The following NXPH1 variants were observed in gnomAD, a reference collection of about 807,000 sequenced individuals.
NXPH1 encodes neurexophilin 1.
In NXPH1, 5 loss-of-function variants were observed where a neutral mutation model predicts 23.7. That is an observed-to-expected ratio of 0.21 (90% CI 0.11 to 0.44). NXPH1 has a LOEUF of 0.44. NXPH1 is among the 20% of genes least tolerant of loss of function. NXPH1 has a pLI of 0.99. For synonymous variants in NXPH1, 144 were observed against 122.2 expected (o/e 1.18, Z -1.18); for missense variants, 324 against 321.6 (o/e 1.01, Z -0.06).
At chr7:8,462,272 C>T (rs905155127) in intron 2 of NXPH1, among the ~76,000 whole-genome samples, 1 of 152,236 alleles carries the variant, frequency 6.6e-6, no homozygotes, top group Non-Finnish European at 1.5e-5. Context: ...TGGCCTCGAT[C>T]TCTTGACCTC....
At chr7:8,746,156 A>G (rs916098469) in intron 2 of NXPH1, among the ~76,000 whole-genome samples, 1 of 152,214 alleles carries the variant, frequency 6.6e-6, no homozygotes, top group African/African-American at 2.4e-5. Flanking sequence ...CTATACAGCT[A>G]TTTTGTTAAT....
At chr7:8,698,158 T>C (rs946213908) in intron 2 of NXPH1, among the ~76,000 whole-genome samples, 3 of 152,218 alleles carry the variant, frequency 2.0e-5, no homozygotes, top group Admixed American at 6.5e-5. Flanking sequence ...CGTCTTACAA[T>C]GTATGGCTGA....
chr7:8,571,583 CA>C (rs1259322072), intron 2 of NXPH1, among the ~76,000 whole-genome samples: 1 of 151,706 alleles, frequency 6.6e-6, no homozygotes, highest in Non-Finnish European at 1.5e-5. Context: ...GGAAGAGTCC[CA>C]AAAGGACAAA....
chr7:8,607,975 G>T (rs1819531985), intron 2 of NXPH1, among the ~76,000 whole-genome samples: 1 of 152,232 alleles, frequency 6.6e-6, no homozygotes, highest in Admixed American at 6.5e-5. Flanking sequence ...GAGTGATGCA[G>T]CTGCAAGCCA....
At chr7:8,673,862 A>G (rs946984026) in intron 2 of NXPH1, among the ~76,000 whole-genome samples, 10 of 152,154 alleles carry the variant, frequency 6.6e-5, no homozygotes, top group African/African-American at 2.4e-4. Context: ...GCTAACATGG[A>G]TTGAGCATTG....
intron 2 of NXPH1, among the ~76,000 whole-genome samples, chr7:8,601,835 G>T (rs1583184725): frequency 6.6e-6 from 1 of 152,184 alleles, no homozygotes; most frequent in Admixed American, 6.5e-5. Flanking sequence ...GGACCAGACT[G>T]CAGGATATTC....
intron 2 of NXPH1, among the ~76,000 whole-genome samples, chr7:8,470,308 T>C (rs1052687513): frequency 6.6e-5 from 10 of 152,178 alleles, no homozygotes; most frequent in Non-Finnish European, 1.3e-4. Flanking sequence ...TAAGTGATGT[T>C]AATACATGTC....
chr7:8,556,591 A>G (rs974512143), intron 2 of NXPH1, among the ~76,000 whole-genome samples: 1 of 151,756 alleles, frequency 6.6e-6, no homozygotes, highest in Non-Finnish European at 1.5e-5. Flanking sequence ...AGAACTATGT[A>G]TGTCTAGAAC....
At chr7:8,634,295 G>A (rs953040057) in intron 2 of NXPH1, among the ~76,000 whole-genome samples, 3 of 152,092 alleles carry the variant, frequency 2.0e-5, no homozygotes, top group African/African-American at 7.2e-5. Flanking sequence ...CCCTGCACAT[G>A]TTCTCTTGCC....
At position 8,621,490 on chromosome 7, in the gene NXPH1, C is replaced by CTTTTTTTTTT. The variant is rs113473603; in HGVS notation, c.55-129513_55-129504dup. On this transcript the variant is annotated intron_variant, in intron 2 of 2. Coordinates refer to ENST00000405863, the MANE Select transcript of NXPH1 (RefSeq NM_152745.3). ...GAGAAACAATAACATGCTAGCCACT[C>CTTTTTTTTTT]TTTTTTTTTTTTTTGAGGTGAAGTT... is the stretch of plus-strand genomic sequence containing the variant. Among the ~76,000 whole-genome samples, 72 of 140,264 alleles carry CTTTTTTTTTT rather than the reference C, an allele frequency of 5.1e-4. 1 individual carries two copies. The highest frequency in any genetic ancestry group is 2.4e-3 in the East Asian group (10 of 4,228). The allele number at this position is 140,264 out of a possible 152,430, so 92.0% of individuals were successfully genotyped here.
chr7:8,730,841 G>T (rs1041074883), intron 2 of NXPH1, among the ~76,000 whole-genome samples: 3 of 150,864 alleles, frequency 2.0e-5, no homozygotes, highest in Non-Finnish European at 4.4e-5. Flanking sequence ...TTCTCGAGGA[G>T]TATCTTTGTG....
chr7:8,531,146 C>T (rs1448077979), intron 2 of NXPH1, among the ~76,000 whole-genome samples: 2 of 152,104 alleles, frequency 1.3e-5, no homozygotes, highest in Non-Finnish European at 2.9e-5. Flanking sequence ...ATAATATCTG[C>T]CCTGCCAGCC....
chr7:8,648,301 ACCCAAT>A, intron 2 of NXPH1, among the ~76,000 whole-genome samples: 1 of 152,136 alleles, frequency 6.6e-6, no homozygotes, highest in East Asian at 1.9e-4. Flanking sequence ...TCCCACCTAC[ACCCAAT>A]CCCCCCACTA....
At chr7:8,663,990 C>T (rs1484579620) in intron 2 of NXPH1, among the ~76,000 whole-genome samples, 2 of 151,956 alleles carry the variant, frequency 1.3e-5, no homozygotes, top group East Asian at 1.9e-4. Context: ...TGGGTATTTC[C>T]ACTCATTTTC....
intron 2 of NXPH1, among the ~76,000 whole-genome samples, chr7:8,484,767 C>T (rs1347342604): frequency 6.6e-6 from 1 of 152,042 alleles, no homozygotes; most frequent in Non-Finnish European, 1.5e-5. Context: ...ATAGTGGTAT[C>T]CTTTCTTTAA....
chr7:8,631,985 C>T (rs1820139144), intron 2 of NXPH1, among the ~76,000 whole-genome samples: 2 of 152,026 alleles, frequency 1.3e-5, no homozygotes. Context: ...CACCATTATT[C>T]ATGTGTAGGT....
chr7:8,444,431 C>T (rs1454736770), intron 2 of NXPH1, among the ~76,000 whole-genome samples: 1 of 152,090 alleles, frequency 6.6e-6, no homozygotes, highest in Non-Finnish European at 1.5e-5. Context: ...GGGTATAGGC[C>T]CCGCCTCCAC....
intron 2 of NXPH1, among the ~76,000 whole-genome samples, chr7:8,561,351 G>GACAC (rs61219039): frequency 0.046 from 6,526 of 140,908 alleles, 399 homozygotes; most frequent in African/African-American, 0.14. Flanking sequence ...AAGCCTATGT[G>GACAC]ACACACACAC....
chr7:8,708,980 G>C (rs547330937), intron 2 of NXPH1, among the ~76,000 whole-genome samples: 9 of 152,232 alleles, frequency 5.9e-5, no homozygotes, highest in African/African-American at 2.2e-4. Context: ...ACACTGAAGT[G>C]AGAGAAGCAC....
Sources: allele counts gnomAD v4.1 joint callset (sites outside exome capture counted in the v4.1 genomes callset), GRCh38; gene constraint gnomAD v4.1.1; transcripts MANE v1.5; gene names NCBI Gene and HGNC (gene_info 2026-07-23, HGNC 2026-07-21).